Variants in ITGA2 observed in about 807,000 individuals in gnomAD.
ITGA2 encodes the protein integrin subunit alpha 2, also known as integrin alpha-2.
In ITGA2, 101 loss-of-function variants were observed where a neutral mutation model predicts 146.3. The ratio of observed to expected loss-of-function variants is 0.69; its 90% CI spans 0.59 to 0.81. The LOEUF is 0.81. Ranked by LOEUF, ITGA2 falls within the 40% of genes least tolerant of loss-of-function variation. The pLI, the probability that ITGA2 is intolerant of heterozygous loss-of-function variation, is 0.00. For missense variants in ITGA2, 1,281 were observed against 1,402.7 expected (o/e 0.91, Z 1.39); for synonymous variants, 477 against 487.1 (o/e 0.98, Z 0.27).
chr5:53,070,303 A>C (rs1487506565), intron 17 of ITGA2, 43 bp downstream of exon 17: 1 of 1,605,392 alleles, frequency 6.2e-7, no homozygotes, highest in Admixed American at 1.7e-5. Context: ...TTTCTTCCTA[A>C]AGACGAGAGA....
Position 53,026,758 on chromosome 5 carries a change from T to C in ITGA2, c.75T>C (p.Asn25=), listed in dbSNP as rs1742971555. 1 of 1,609,742 alleles carries C rather than the reference T, an allele frequency of 6.2e-7. No individual in the cohort carries two copies. Among genetic ancestry groups the C allele is most frequent in the South Asian group, 1.1e-5 (1 of 90,994 alleles). Residue 25 remains asparagine, a synonymous_variant, in exon 2 of 30, where the codon AAT becomes AAC. Transcript: ENST00000296585. The stretch of plus-strand genomic sequence containing the variant: ...TATTTTTCTTAATAGGCATTTTAAA[T>C]TGTTGTTTGGCCTACAATGTTGGTC... ...LVLALSQGIL[N]CCLAYNVGLP...
chr5:52,989,370 G>A lies in ITGA2; in HGVS notation c.-99G>A, dbSNP rs886060656. 6.3e-6 allele frequency: 8 copies of A among 1,273,132 alleles called. No homozygotes were observed. The highest frequency in any genetic ancestry group is 3.5e-5 in the Admixed American group (2 of 57,470). 78.9% of individuals were successfully genotyped at this position (1,273,132 alleles called of 1,614,324 possible). On this transcript the variant is annotated 5_prime_UTR_variant, in exon 1 of 30. Coordinates refer to ENST00000296585, the MANE Select transcript of ITGA2 (RefSeq NM_002203.4). ...GCGGGGGAGAGAAGCCCTCTGGACA[G>A]CTTCTAGAGTGTGCAGGTTCTCGTA...
Position 53,078,796 on chromosome 5 carries a change from A to T in ITGA2, c.2850A>T (p.Glu950Asp). The change falls in exon 24 of 30, where the codon GAA (glutamate) becomes GAT (aspartate). Residue 950 changes from glutamate to aspartate, a missense_variant. Glu to Asp is a conservative substitution (Grantham distance 45). Transcript: ENST00000296585. ...LTRSTNINFYEISSDGNVPSI... is the reference protein window; with the variant it reads ...LTRSTNINFYDISSDGNVPSI... The stretch of plus-strand genomic sequence containing the variant: ...GATCTACCAACATAAATTTTTATGA[A>T]ATCTCTTCGGATGGGAATGTTCCTT... 6.2e-7 allele frequency: 1 copy of T among 1,609,658 alleles called. No individual in the cohort carries two copies. Among genetic ancestry groups the T allele is most frequent in the Non-Finnish European group, 8.5e-7 (1 of 1,176,558 alleles).
Position 53,073,160 on chromosome 5 carries a change from AT to A in ITGA2, c.2476del (p.Ser826GlnfsTer2). On this transcript the variant is annotated frameshift_variant, in exon 20 of 30. Coordinates refer to ENST00000296585, the MANE Select transcript of ITGA2 (RefSeq NM_002203.4). LOFTEE classifies it high-confidence loss of function. The part of the protein sequence containing the change: ...IVSNQNKRLT[F>X]SVTLKNKRES... ...TCAGCAACCAAAACAAAAGGTTAAC[AT>A]TTTCAGTAACGCTGAAAAATAAAAG... 1.2e-6 allele frequency: 2 copies of A among 1,612,304 alleles called. No homozygotes were observed. Among genetic ancestry groups the A allele is most frequent in the African/African-American group, 1.3e-5 (1 of 74,896 alleles).
intron 1 of ITGA2, among the ~76,000 whole-genome samples, chr5:52,990,787 A>G (rs1168194586): frequency 6.6e-6 from 1 of 151,964 alleles, no homozygotes; most frequent in Non-Finnish European, 1.5e-5. Flanking sequence ...TCTCACCTGT[A>G]TTGGGTGCTT....
intron 1 of ITGA2, among the ~76,000 whole-genome samples, chr5:52,998,657 C>T (rs904731428): frequency 1.3e-5 from 2 of 152,180 alleles, no homozygotes; most frequent in African/African-American, 4.8e-5. Flanking sequence ...TCACTCCTCA[C>T]TTGGACCCTT....
chr5:53,052,554 GA>G, intron 7 of ITGA2, among the ~76,000 whole-genome samples: 1 of 151,082 alleles, frequency 6.6e-6, no homozygotes, highest in Non-Finnish European at 1.5e-5. Flanking sequence ...AATTCTTTTT[GA>G]AAAAAGCAAC....
intron 1 of ITGA2, among the ~76,000 whole-genome samples, chr5:52,994,964 C>T (rs184769567): frequency 7.4e-4 from 112 of 152,252 alleles, no homozygotes; most frequent in Admixed American, 1.2e-3. Context: ...TGAAGAACCT[C>T]AGAGATCCTG....
intron 28 of ITGA2, 56 bp downstream of exon 28, chr5:53,087,097 T>G: frequency 1.7e-6 from 2 of 1,207,064 alleles, no homozygotes; most frequent in Middle Eastern, 1.9e-4. Context: ...GCATTCCACT[T>G]CTAAAAGCCT....
At chr5:53,008,625 G>T (rs528139694) in intron 1 of ITGA2, among the ~76,000 whole-genome samples, 93 of 125,804 alleles carry the variant, frequency 7.4e-4, no homozygotes, top group Middle Eastern at 3.9e-3. Flanking sequence ...GGATATTATC[G>T]CCAGATGTCA....
intron 1 of ITGA2, among the ~76,000 whole-genome samples, chr5:53,019,733 C>A (rs539538186): frequency 6.6e-6 from 1 of 151,984 alleles, no homozygotes; most frequent in African/African-American, 2.4e-5. Flanking sequence ...CCCATCTTGG[C>A]CAGGCTGGTC....
Position 53,053,616 on chromosome 5 carries a change from A to C in ITGA2, c.780-1922A>C, listed in dbSNP as rs534099715. On this transcript the variant is annotated intron_variant, in intron 7 of 29. Coordinates refer to ENST00000296585, the MANE Select transcript of ITGA2 (RefSeq NM_002203.4). ...AGGAAGGACTTGCCTGGCTTTCATC[A>C]TGTTTCAAAACTTTGGTTTTCTCCC... Among the ~76,000 whole-genome samples, 27 of 152,148 alleles carry C rather than the reference A, an allele frequency of 1.8e-4. No individual in the cohort carries two copies. In the South Asian group the frequency reaches 5.4e-3, roughly 30 times the overall value.
chr5:53,042,094 A>G lies in ITGA2; in HGVS notation c.186-18A>G. Reference sequence around the variant, plus strand: ...TATACTTAACACTTTGTGTCTAATAAAAAAAATGTGTTTCTAGGTTACTGG... The same window carrying G: ...TATACTTAACACTTTGTGTCTAATAGAAAAAATGTGTTTCTAGGTTACTGG... On this transcript the variant is annotated intron_variant, in intron 2 of 29. Transcript: ENST00000296585. The G allele has an allele frequency of 6.8e-7, 1 of 1,474,570 alleles. No homozygotes were observed. Among genetic ancestry groups the G allele is most frequent in the Non-Finnish European group, 9.5e-7 (1 of 1,052,742 alleles). 91.3% of individuals were successfully genotyped at this position (1,474,570 alleles called of 1,614,324 possible).
At chr5:53,086,824 A>G in intron 27 of ITGA2, 128 bp from the exon 28 acceptor site, 1 of 749,512 alleles carries the variant, frequency 1.3e-6, no homozygotes, top group Non-Finnish European at 2.3e-6. Context: ...CAGATTCTGG[A>G]TGGGTCTTCA....
chr5:53,045,762 G>T (rs868746700), intron 4 of ITGA2, among the ~76,000 whole-genome samples: 1 of 151,800 alleles, frequency 6.6e-6, no homozygotes, highest in Admixed American at 6.6e-5. Flanking sequence ...GGAAATTGTT[G>T]AAAGGATTTG....
chr5:53,065,301 G>A (rs1326045196), intron 14 of ITGA2, among the ~76,000 whole-genome samples, 186 bp downstream of exon 14: 1 of 151,946 alleles, frequency 6.6e-6, no homozygotes, highest in Non-Finnish European at 1.5e-5. Flanking sequence ...GATGCTATAA[G>A]AACAGGACAG....
At chr5:52,996,297 G>C (rs186081331) in intron 1 of ITGA2, among the ~76,000 whole-genome samples, 1 of 152,252 alleles carries the variant, frequency 6.6e-6, no homozygotes, top group African/African-American at 2.4e-5. Flanking sequence ...ATATGTATGT[G>C]GCAGAGATTC....
chr5:53,020,247 G>T, intron 1 of ITGA2, among the ~76,000 whole-genome samples: 1 of 152,158 alleles, frequency 6.6e-6, no homozygotes. Flanking sequence ...GTTTTGAATA[G>T]AGAGAGAAAA....
intron 4 of ITGA2, among the ~76,000 whole-genome samples, chr5:53,046,050 G>C (rs148095762): frequency 0.039 from 5,891 of 151,818 alleles, 154 homozygotes; most frequent in East Asian, 0.074. Context: ...AATCAGCCAG[G>C]AGTGGTGGCA....
Sources: gnomAD v4.1 joint callset for allele counts (sites outside exome capture counted in the v4.1 genomes callset) on GRCh38, gnomAD v4.1.1 for gene constraint, MANE v1.5 for transcripts, NCBI Gene and HGNC (gene_info 2026-07-23, HGNC 2026-07-21) for gene names.